RGS3: variants seen among roughly 807,000 people sequenced by gnomAD.
The protein encoded by RGS3 is regulator of G protein signaling 3.
RGS3 carries 80 observed loss-of-function variants against 132.6 expected under a neutral mutation model. That is an observed-to-expected ratio of 0.60 (90% CI 0.50 to 0.73). The LOEUF is 0.73. Among genes scored for constraint, RGS3 ranks in the 30% least tolerant of loss-of-function variants. The pLI is 0.00. For missense variants in RGS3, 1,382 were observed against 1,530.8 expected (o/e 0.90, Z 1.62); for synonymous variants, 598 against 620.6 (o/e 0.96, Z 0.54).
chr9:113,466,929 T>A (rs938231682), intron 3 of RGS3, among the ~76,000 whole-genome samples: 3 of 152,196 alleles, frequency 2.0e-5, no homozygotes, highest in African/African-American at 7.2e-5. Context: ...TCTCTCCCTC[T>A]GTAGATTTGC....
intron 19 of RGS3, among the ~76,000 whole-genome samples, chr9:113,570,985 T>G (rs1394996723): frequency 2.6e-5 from 4 of 152,378 alleles, no homozygotes; most frequent in African/African-American, 9.6e-5. Flanking sequence ...TTGAATTTTG[T>G]GTAAATGGAA....
At chr9:113,513,996 A>G (rs1373420658) in intron 14 of RGS3, among the ~76,000 whole-genome samples, 1 of 152,160 alleles carries the variant, frequency 6.6e-6, no homozygotes, top group East Asian at 1.9e-4. Flanking sequence ...TCTGTTAAGG[A>G]GAGCGCGTAC....
rs530985419 is a variant in RGS3, at chr9:113,497,922, C to T, written c.842-103C>T. The T allele has an allele frequency of 2.8e-5, 33 of 1,163,420 alleles. No homozygotes were observed. The South Asian group carries it at 4.1e-4, about 15-fold the overall frequency. 72.1% of individuals were successfully genotyped at this position (1,163,420 alleles called of 1,614,324 possible). A position where few individuals can be genotyped will look rare whatever the true frequency, so the allele number is the denominator to read the frequency against. On this transcript the variant is annotated intron_variant, in intron 9 of 24. Coordinates refer to ENST00000350696, the Ensembl canonical transcript of RGS3. ...TCCTGAGGCCAGGAGTGGCCCTGGG[C>T]AGCCCCATGGGCCTGTTTCCCAGTG...
At chr9:113,571,903 T>G (rs1184614637) in intron 19 of RGS3, among the ~76,000 whole-genome samples, 3 of 152,244 alleles carry the variant, frequency 2.0e-5, no homozygotes, top group Admixed American at 6.5e-5. Context: ...AGGTCAAGAC[T>G]CATTTTCTCT....
intron 19 of RGS3, among the ~76,000 whole-genome samples, chr9:113,556,856 T>G: frequency 6.6e-6 from 1 of 152,156 alleles, no homozygotes; most frequent in Non-Finnish European, 1.5e-5. Flanking sequence ...TCCCTCCTCT[T>G]CCCTTGGTCT....
intron 18 of RGS3, among the ~76,000 whole-genome samples, chr9:113,532,971 G>T (rs976081947): frequency 1.3e-5 from 2 of 152,212 alleles, no homozygotes; most frequent in African/African-American, 4.8e-5. Context: ...CTGCAAGAGG[G>T]AGCATTCCTG....
chr9:113,570,789 A>G (rs540437371), intron 19 of RGS3, among the ~76,000 whole-genome samples: 75 of 152,210 alleles, frequency 4.9e-4, no homozygotes, highest in Non-Finnish European at 8.4e-4. Context: ...GGCGCGTGCC[A>G]CCATGCCCGG....
chr9:113,541,865 A>C, intron 19 of RGS3: 2 of 986,576 alleles, frequency 2.0e-6, no homozygotes, highest in Non-Finnish European at 2.4e-6. Flanking sequence ...ACATTGGCTC[A>C]TTCATTCGAT....
intron 24 of RGS3, 84 bp downstream of exon 22, chr9:113,595,849 A>G (rs1182070859): frequency 4.1e-6 from 6 of 1,471,764 alleles, no homozygotes; most frequent in Non-Finnish European, 5.6e-6. Context: ...CCAGCAGCAC[A>G]GGAAGGGGAG....
chr9:113,520,202 C>G (rs1450617005), intron 16 of RGS3, among the ~76,000 whole-genome samples: 1 of 152,176 alleles, frequency 6.6e-6, no homozygotes. Flanking sequence ...CTGTGGAAGG[C>G]GACAGGTGAT....
upstream of RGS3, among the ~76,000 whole-genome samples, chr9:113,455,492 C>G (rs899380028): frequency 2.0e-5 from 3 of 152,158 alleles, no homozygotes; most frequent in Non-Finnish European, 4.4e-5. Flanking sequence ...TGGCTCTTAT[C>G]AAGTCTTTAG....
intron 23 of RGS3, 70 bp from the exon 22 acceptor site, chr9:113,595,529 T>C: frequency 5.8e-6 from 9 of 1,550,824 alleles, no homozygotes; most frequent in Non-Finnish European, 7.1e-6. Context: ...CCTGTAGGGG[T>C]AAGCTGAGGC....
At chr9:113,536,581 C>A in intron 18 of RGS3, 1 of 1,373,096 alleles carries the variant, frequency 7.3e-7, no homozygotes, top group Admixed American at 2.8e-5. Flanking sequence ...AACCTGTGGG[C>A]CCACAGCTCG....
intron 7 of RGS3, among the ~76,000 whole-genome samples, chr9:113,492,663 C>T (rs1047531276): frequency 3.9e-5 from 6 of 152,056 alleles, no homozygotes; most frequent in Non-Finnish European, 8.8e-5. Context: ...CAGGCACTCC[C>T]GAGGGTGAGC....
rs527483493 is a variant in RGS3 at position 113,503,599 on chromosome 9, C to T, written c.898-1843C>T. 3.3e-5 allele frequency among the ~76,000 whole-genome samples: 5 copies of T among 152,332 alleles called. No individual in the cohort carries two copies. In the South Asian group the frequency reaches 1.0e-3, roughly 32 times the overall value. On this transcript the variant is annotated intron_variant, in intron 10 of 24. Coordinates refer to ENST00000350696, the Ensembl canonical transcript of RGS3. ...GGCTGTTTTCTTGGAGCACACTCCTCCCCAGACCCCACTCTCCAGTTACTG... is the reference window on the plus strand; with the variant it reads ...GGCTGTTTTCTTGGAGCACACTCCTTCCCAGACCCCACTCTCCAGTTACTG...
chr9:113,594,850 T>C, intron 22 of RGS3, 69 bp from the exon 21 acceptor site: 1 of 1,490,270 alleles, frequency 6.7e-7, no homozygotes, highest in Non-Finnish European at 9.3e-7. Context: ...AAAGGCCGCC[T>C]GGCCCAGCTT....
intron 1 of RGS3, among the ~76,000 whole-genome samples, chr9:113,451,734 A>G (rs944026242): frequency 2.0e-5 from 3 of 151,836 alleles, no homozygotes; most frequent in African/African-American, 7.3e-5. Context: ...GTTCTTTTAA[A>G]CAGATTTAAA....
chr9:113,493,381 G>C (rs1486200955), intron 7 of RGS3, among the ~76,000 whole-genome samples: 3 of 152,206 alleles, frequency 2.0e-5, no homozygotes, highest in African/African-American at 7.2e-5. Context: ...AGCAGATGGA[G>C]CCAAGGCTGA....
chr9:113,492,137 C>T (rs1338380571), intron 7 of RGS3, among the ~76,000 whole-genome samples: 2 of 152,146 alleles, frequency 1.3e-5, no homozygotes, highest in Admixed American at 1.3e-4. Flanking sequence ...AATAATTTAC[C>T]TGAGAGGGAG....
Sources: gnomAD v4.1 joint callset for allele counts (sites outside exome capture counted in the v4.1 genomes callset) on GRCh38, gnomAD v4.1.1 for gene constraint, MANE v1.5 for transcripts, NCBI Gene and HGNC (gene_info 2026-07-23, HGNC 2026-07-21) for gene names.